The following NUP62CL variants were observed in gnomAD, a reference collection of about 807,000 sequenced individuals.
NUP62CL encodes the protein nucleoporin 62 C-terminal like.
Under a neutral mutation model 15.3 loss-of-function variants are expected in NUP62CL, and 13 were observed. The observed-to-expected ratio is 0.85, with a 90% CI of 0.55 to 1.35. The LOEUF (loss-of-function observed/expected upper bound fraction) is 1.35, where lower values mean the gene tolerates loss of function less well. NUP62CL is among the 40% of genes most tolerant of loss of function. NUP62CL has a pLI of 0.00. For synonymous variants in NUP62CL, 54 were observed against 49.2 expected (o/e 1.10, Z -0.41); for missense variants, 123 against 130.6 (o/e 0.94, Z 0.28).
intron 7 of NUP62CL, among the ~76,000 whole-genome samples, chrX:107,152,059 T>TTC (rs1294305197): frequency 2.9e-5 from 2 of 68,995 alleles, no homozygotes; most frequent in East Asian, 1.1e-3. Context: ...GATATATATA[T>TTC]ATATATATAT....
At chrX:107,181,574 C>T (rs2147811612) in intron 2 of NUP62CL, among the ~76,000 whole-genome samples, 1 of 110,819 alleles carries the variant, frequency 9.0e-6, no homozygotes, top group South Asian at 3.8e-4. Flanking sequence ...ATAGAGGTGG[C>T]TTGTCTCATG....
At chrX:107,154,933 G>C (rs750134663) in intron 4 of NUP62CL, among the ~76,000 whole-genome samples, 1 of 111,914 alleles carries the variant, frequency 8.9e-6, no homozygotes, top group Non-Finnish European at 1.9e-5. Flanking sequence ...AGTAGCAACA[G>C]GGCTCAATGA....
chrX:107,137,411 G>T (rs73517348), intron 8 of NUP62CL, among the ~76,000 whole-genome samples: 2,214 of 111,423 alleles, frequency 0.02, 57 homozygotes, highest in African/African-American at 0.068. Flanking sequence ...ACAAGAAAAA[G>T]AAATAAATGA....
intron 4 of NUP62CL, among the ~76,000 whole-genome samples, chrX:107,162,053 CA>C (rs1194683708): frequency 3.7e-5 from 4 of 109,377 alleles, no homozygotes; most frequent in Non-Finnish European, 5.7e-5. Context: ...GAAAAACAAC[CA>C]AATGAAACGT....
intron 3 of NUP62CL, among the ~76,000 whole-genome samples, chrX:107,168,049 C>T (rs1413413292): frequency 9.0e-6 from 1 of 111,266 alleles, no homozygotes; most frequent in African/African-American, 3.3e-5. Context: ...GAAATCAAAT[C>T]AATCCTCAAA....
intron 4 of NUP62CL, among the ~76,000 whole-genome samples, chrX:107,155,932 G>T (rs1430367010): frequency 8.9e-6 from 1 of 112,304 alleles, no homozygotes. Context: ...CGCACCGTGC[G>T]CAAGCCAAAG....
At chrX:107,131,994 T>A (rs1925529357) in intron 8 of NUP62CL, 16 of 987,820 alleles carry the variant, frequency 1.6e-5, no homozygotes, top group Non-Finnish European at 2.3e-5. Context: ...AAAACATAGG[T>A]GGGATGGAAT....
chrX:107,153,972 C>CA, intron 5 of NUP62CL, 124 bp downstream of exon 5: 1 of 706,875 alleles, frequency 1.4e-6, no homozygotes, highest in East Asian at 3.4e-5. Flanking sequence ...GACCCTGTCT[C>CA]AAAAAACAAA....
At chrX:107,127,217 A>G (rs1022565688) in intron 8 of NUP62CL, among the ~76,000 whole-genome samples, 17 of 111,944 alleles carry the variant, frequency 1.5e-4, no homozygotes, top group Non-Finnish European at 2.4e-4. Flanking sequence ...CACATATAAT[A>G]TGATTCAATC....
Position 107,154,162 on chromosome X carries a change from C to A in NUP62CL, c.279G>T (p.Lys93Asn), listed in dbSNP as rs1926117392. Residue 93 changes from lysine (K) to asparagine (N), a missense_variant, in exon 5 of 9, where the codon AAG (lysine) becomes AAT (asparagine). Coordinates refer to ENST00000372466, the MANE Select transcript of NUP62CL (RefSeq NM_017681.3). ...EWNLELEDQE[K>N]YFLLQATQVN... ...CCTGAGTGGCCTGGAGAAGAAAGTA[C>A]TTCTCTTGATCTTCCAGCTCAAGGT... The A allele has an allele frequency of 8.3e-7, 1 of 1,205,648 alleles. No individual in the cohort carries two copies. The highest frequency in any genetic ancestry group is 2.2e-5 in the Admixed American group (1 of 45,662).
chrX:107,151,934 G>A (rs1339983058), intron 7 of NUP62CL, among the ~76,000 whole-genome samples: 1 of 102,244 alleles, frequency 9.8e-6, no homozygotes, highest in Non-Finnish European at 2.0e-5. Flanking sequence ...GGACGCTGAG[G>A]CAGAAGAATC....
chrX:107,205,942 G>A (rs1927669653), intron 1 of NUP62CL, among the ~76,000 whole-genome samples: 1 of 110,303 alleles, frequency 9.1e-6, no homozygotes, highest in South Asian at 3.9e-4. Context: ...GTGCTCCCCC[G>A]GGGACTTGGG....
chrX:107,152,024 C>A (rs1926023400), intron 7 of NUP62CL, among the ~76,000 whole-genome samples: 1 of 77,067 alleles, frequency 1.3e-5, no homozygotes, highest in African/African-American at 5.3e-5. Context: ...AGCAAGACTT[C>A]ATCTTGAATA....
At chrX:107,157,955 C>CA (rs1360349174) in intron 4 of NUP62CL, among the ~76,000 whole-genome samples, 1 of 104,366 alleles carries the variant, frequency 9.6e-6, no homozygotes, top group African/African-American at 3.5e-5. Flanking sequence ...AAATGGAAAA[C>CA]AAAAAAAGGC....
At chrX:107,180,115 T>G (rs1341315554) in intron 2 of NUP62CL, among the ~76,000 whole-genome samples, 1 of 112,105 alleles carries the variant, frequency 8.9e-6, no homozygotes, top group African/African-American at 3.2e-5. Flanking sequence ...ATAATTTCAT[T>G]TAACGAATGA....
chrX:107,125,265 T>C (rs1925360609), intron 8 of NUP62CL, among the ~76,000 whole-genome samples: 1 of 112,006 alleles, frequency 8.9e-6, no homozygotes, highest in South Asian at 3.7e-4. Context: ...ATCATAAGAA[T>C]ACAGTATATA....
intron 8 of NUP62CL, among the ~76,000 whole-genome samples, chrX:107,141,493 G>A (rs961548832): frequency 1.8e-5 from 2 of 111,967 alleles, no homozygotes; most frequent in Non-Finnish European, 3.8e-5. Flanking sequence ...ATCTCTGGCA[G>A]AACAAGGGCA....
At chrX:107,157,463 G>A (rs1569358658) in intron 4 of NUP62CL, among the ~76,000 whole-genome samples, 2 of 105,816 alleles carry the variant, frequency 1.9e-5, no homozygotes, top group Non-Finnish European at 3.9e-5. Context: ...AAGAGAGTGG[G>A]GGCCAATATT....
intron 1 of NUP62CL, among the ~76,000 whole-genome samples, chrX:107,195,951 T>C: frequency 9.0e-6 from 1 of 111,623 alleles, no homozygotes; most frequent in South Asian, 3.7e-4. Context: ...TTCATTGTTG[T>C]CAAACCATGG....
Sources: allele counts gnomAD v4.1 joint callset (sites outside exome capture counted in the v4.1 genomes callset), GRCh38; gene constraint gnomAD v4.1.1; transcripts MANE v1.5; gene names NCBI Gene and HGNC (gene_info 2026-07-23, HGNC 2026-07-21).